TDRD3: variants seen among roughly 807,000 people sequenced by gnomAD.
The protein encoded by TDRD3 is tudor domain containing 3, also known as tudor domain-containing protein 3.
A neutral mutation model predicts 86.7 loss-of-function variants in TDRD3; 45 were observed. That is an observed-to-expected ratio of 0.52 (90% CI 0.41 to 0.67). The LOEUF is 0.67. Among genes scored for constraint, TDRD3 ranks in the 30% least tolerant of loss-of-function variants. The pLI is 0.00. For synonymous variants in TDRD3, 298 were observed against 301.7 expected, an observed-to-expected ratio of 0.99 and a Z score of 0.13; for missense variants, 814 against 889.0, an observed-to-expected ratio of 0.92 and a Z score of 1.07.
chr13:60,488,844 G>A (rs962093548), intron 7 of TDRD3, among the ~76,000 whole-genome samples: 4 of 152,120 alleles, frequency 2.6e-5, no homozygotes, highest in African/African-American at 4.8e-5. Flanking sequence ...CTTCCAAAGT[G>A]CTGGGATTAC....
At chr13:60,438,667 C>A (rs1955178832) in intron 1 of TDRD3, among the ~76,000 whole-genome samples, 2 of 151,858 alleles carry the variant, frequency 1.3e-5, no homozygotes, top group South Asian at 4.2e-4. Context: ...CTTAAAGGCA[C>A]TTTTTTTTGG....
At chr13:60,566,497 A>G (rs1178442231) in intron 12 of TDRD3, among the ~76,000 whole-genome samples, 1 of 152,184 alleles carries the variant, frequency 6.6e-6, no homozygotes, top group African/African-American at 2.4e-5. Flanking sequence ...ATTTTGAGAA[A>G]GAAGATTCAA....
At chr13:60,485,410 A>G (rs1196104336) in intron 6 of TDRD3, among the ~76,000 whole-genome samples, 2 of 152,054 alleles carry the variant, frequency 1.3e-5, no homozygotes, top group East Asian at 3.8e-4. Flanking sequence ...ACATATGTAT[A>G]TTGTGGTATA....
intron 13 of TDRD3, among the ~76,000 whole-genome samples, chr13:60,568,623 C>T (rs900202421): frequency 1.3e-5 from 2 of 152,170 alleles, no homozygotes; most frequent in African/African-American, 4.8e-5. Flanking sequence ...AAACCCACAG[C>T]TAGACTCATA....
At chr13:60,564,465 A>T (rs1409744711) in intron 12 of TDRD3, among the ~76,000 whole-genome samples, 6 of 152,206 alleles carry the variant, frequency 3.9e-5, no homozygotes, top group African/African-American at 1.4e-4. Context: ...TTAGGCGAAG[A>T]TGACATTGGA....
intron 1 of TDRD3, among the ~76,000 whole-genome samples, chr13:60,402,652 CT>C (rs1441891109): frequency 1.4e-5 from 2 of 145,808 alleles, no homozygotes; most frequent in African/African-American, 5.1e-5. Context: ...CATTAAAACA[CT>C]TTTTTAGATG....
chr13:60,441,554 A>G (rs939424143), intron 2 of TDRD3, among the ~76,000 whole-genome samples: 1 of 152,190 alleles, frequency 6.6e-6, no homozygotes, highest in Non-Finnish European at 1.5e-5. Context: ...TTCCAAATTT[A>G]TCATCTTTTA....
At chr13:60,524,196 A>G (rs1443023416) in intron 10 of TDRD3, among the ~76,000 whole-genome samples, 1 of 152,040 alleles carries the variant, frequency 6.6e-6, no homozygotes, top group Non-Finnish European at 1.5e-5. Context: ...GATTTGGGAT[A>G]TATTTCTTAG....
intron 10 of TDRD3, among the ~76,000 whole-genome samples, chr13:60,520,532 A>G (rs906146913): frequency 6.6e-6 from 1 of 152,186 alleles, no homozygotes. Context: ...TTCCCTCTAC[A>G]TTGCTGTACT....
At chr13:60,489,580 G>A (rs1402628141) in intron 7 of TDRD3, among the ~76,000 whole-genome samples, 11 of 151,902 alleles carry the variant, frequency 7.2e-5, no homozygotes, top group Admixed American at 4.6e-4. Flanking sequence ...TGTGAAACTC[G>A]GAGATAATAA....
Position 60,494,475 on chromosome 13 carries a change from A to G in TDRD3, c.758A>G (p.Asn253Ser). The change falls in exon 8 of 14, where the codon AAT (asparagine) becomes AGT (serine). Residue 253 changes from asparagine (N) to serine (S), a missense_variant. Coordinates refer to ENST00000377881, the MANE Select transcript of TDRD3 (RefSeq NM_001146070.2). ...GGAGGTGGTGGTGGTGCTAGAAGTA[A>G]TCTCAATATGAATGCTGCTGGTAAC... is the stretch of plus-strand genomic sequence containing the variant. The part of the protein sequence containing the change: ...FGGGGGGARS[N>S]LNMNAAGNRN... 6.2e-7 allele frequency: 1 copy of G among 1,613,770 alleles called. No individual in the cohort carries two copies. Among genetic ancestry groups the G allele is most frequent in the Non-Finnish European group, 8.5e-7 (1 of 1,179,818 alleles).
chr13:60,479,461 T>C (rs2137475250), intron 5 of TDRD3, among the ~76,000 whole-genome samples: 1 of 152,342 alleles, frequency 6.6e-6, no homozygotes, highest in East Asian at 1.9e-4. Context: ...ATGAGAAGAA[T>C]GTATATTCTG....
intron 12 of TDRD3, among the ~76,000 whole-genome samples, chr13:60,557,655 A>C (rs1386246917): frequency 6.6e-6 from 1 of 151,902 alleles, no homozygotes; most frequent in East Asian, 1.9e-4. Context: ...GAGGGTGAAA[A>C]CATCAGCAAA....
At chr13:60,400,502 T>G (rs1264630579) in intron 1 of TDRD3, among the ~76,000 whole-genome samples, 3 of 152,048 alleles carry the variant, frequency 2.0e-5, no homozygotes, top group African/African-American at 7.2e-5. Flanking sequence ...TCCCAGCACT[T>G]TGGGAGGCTA....
rs1393395006 is a variant in TDRD3 at position 60,567,533 on chromosome 13, A to G, written c.2127A>G (p.Glu709=). The part of the protein sequence containing the change: ...KPIQTEAWEE[E]GTYDQTLEFR... ...CTACTCTTTGCAAATAGGAGGAAGA[A>G]GGCACCTACGATCAAACTCTGGAGT... Residue 709 remains glutamate, a synonymous_variant, in exon 13 of 14, where the codon GAA becomes GAG. Transcript: ENST00000377881. 4 of 1,614,158 alleles carry G rather than the reference A, an allele frequency of 2.5e-6. No homozygotes were observed. In the East Asian group the frequency reaches 6.7e-5, roughly 27 times the overall value.
At chr13:60,489,720 A>G (rs1019613263) in intron 7 of TDRD3, among the ~76,000 whole-genome samples, 4 of 152,164 alleles carry the variant, frequency 2.6e-5, no homozygotes, top group Non-Finnish European at 5.9e-5. Context: ...TTTTTCCTCT[A>G]CAAGGCATAC....
At position 60,565,420 on chromosome 13, in the gene TDRD3, T is replaced by C. The variant is rs201360419; in HGVS notation, c.2119-2105T>C. ...TAGACAGATTAAAGACATCAAGTTA[T>C]GAGTTACGTGAAAGAAATCTCATGG... On this transcript the variant is annotated intron_variant, in intron 12 of 13. Transcript: ENST00000377881. Among the ~76,000 whole-genome samples the C allele has an allele frequency of 1.4e-4, 21 of 152,328 alleles. No homozygotes were observed. In the East Asian group the frequency reaches 3.9e-3, roughly 28 times the overall value.
chr13:60,470,314 T>G (rs889712483), intron 5 of TDRD3, among the ~76,000 whole-genome samples: 1 of 152,174 alleles, frequency 6.6e-6, no homozygotes, highest in Non-Finnish European at 1.5e-5. Flanking sequence ...TTAAGTCTTA[T>G]GAATAATGCT....
chr13:60,505,299 C>T (rs1209846718), intron 8 of TDRD3, among the ~76,000 whole-genome samples: 1 of 152,196 alleles, frequency 6.6e-6, no homozygotes, highest in Non-Finnish European at 1.5e-5. Context: ...CAGTTTTCCC[C>T]TCACAGTGTA....
Sources: gnomAD v4.1 joint callset for allele counts (sites outside exome capture counted in the v4.1 genomes callset) on GRCh38, gnomAD v4.1.1 for gene constraint, MANE v1.5 for transcripts, NCBI Gene and HGNC (gene_info 2026-07-23, HGNC 2026-07-21) for gene names.